The following PAPPA2 variants were observed in gnomAD, a reference collection of about 807,000 sequenced individuals.
PAPPA2 encodes pappalysin 2.
PAPPA2 carries 86 observed loss-of-function variants against 176.4 expected under a neutral mutation model. That is an observed-to-expected ratio of 0.49 (90% confidence interval 0.41 to 0.58). PAPPA2 has a LOEUF of 0.58. PAPPA2 is among the 20% of genes least tolerant of loss of function. The probability of loss-of-function intolerance (pLI) is 0.00; values close to 1 mark genes in which losing one functional copy is unlikely to be tolerated. For missense variants in PAPPA2, 2,073 were observed against 2,256.9 expected (o/e 0.92, Z 1.65); for synonymous variants, 809 against 852.2 (o/e 0.95, Z 0.88).
intron 16 of PAPPA2, among the ~76,000 whole-genome samples, chr1:176,770,057 C>T (rs1014825641): frequency 6.6e-6 from 1 of 152,208 alleles, no homozygotes; most frequent in Non-Finnish European, 1.5e-5. Flanking sequence ...GGCAAGCCTA[C>T]TGGAATGGTT....
At chr1:176,504,051 A>G (rs1431238728) in intron 1 of PAPPA2, among the ~76,000 whole-genome samples, 1 of 152,102 alleles carries the variant, frequency 6.6e-6, no homozygotes, top group Admixed American at 6.6e-5. Context: ...ACTATGAAGA[A>G]CTTCCTTAAG....
rs995651778 is a variant in PAPPA2 at position 176,794,028 on chromosome 1, C to T, written c.5130+359C>T. On this transcript the variant is annotated intron_variant, in intron 20 of 22. Transcript: ENST00000367662. ...AGAATGGCGTGAACTCCAGCCTGGG[C>T]AACAGAGCGAGACTCCATCTCAAAA... Among the ~76,000 whole-genome samples, 4 of 151,996 alleles carry T rather than the reference C, an allele frequency of 2.6e-5. No homozygotes were observed. The East Asian group carries it at 5.8e-4, about 22-fold the overall frequency.
At chr1:176,716,833 G>A (rs1661399985) in intron 12 of PAPPA2, among the ~76,000 whole-genome samples, 2 of 151,170 alleles carry the variant, frequency 1.3e-5, no homozygotes, top group African/African-American at 2.4e-5. Context: ...GGATGGTCTC[G>A]ATCTCCTGAC....
intron 1 of PAPPA2, among the ~76,000 whole-genome samples, chr1:176,525,224 C>T (rs1460345584): frequency 1.3e-5 from 2 of 152,140 alleles, no homozygotes; most frequent in African/African-American, 4.8e-5. Context: ...GATGGATTGG[C>T]TGAATGAATA....
At chr1:176,517,289 G>C (rs1648969498) in intron 1 of PAPPA2, among the ~76,000 whole-genome samples, 1 of 152,166 alleles carries the variant, frequency 6.6e-6, no homozygotes, top group Non-Finnish European at 1.5e-5. Context: ...AAGGAGGAAA[G>C]CATGAATATT....
chr1:176,770,902 C>G, intron 16 of PAPPA2, 65 bp from the exon 17 acceptor site: 1 of 1,477,842 alleles, frequency 6.8e-7, no homozygotes, highest in Non-Finnish European at 9.4e-7. Context: ...TTTATTTCAT[C>G]TGCTATGATT....
At chr1:176,801,349 C>G (rs1665677333) in intron 21 of PAPPA2, among the ~76,000 whole-genome samples, 1 of 152,098 alleles carries the variant, frequency 6.6e-6, no homozygotes, top group Non-Finnish European at 1.5e-5. Flanking sequence ...CATGTCAAGT[C>G]CATTCTTCTG....
At chr1:176,691,222 G>A (rs535622462) in intron 5 of PAPPA2, 6 of 956,040 alleles carry the variant, frequency 6.3e-6, no homozygotes, top group Non-Finnish European at 7.5e-6. Flanking sequence ...GGTGAAAGAA[G>A]ATATTTTTTC....
Position 176,765,546 on chromosome 1 carries a change from A to G in PAPPA2, c.4152-120A>G, listed in dbSNP as rs1421019030. 6.6e-6 allele frequency: 6 copies of G among 905,880 alleles called. No individual in the cohort carries two copies. In the African/African-American group the frequency reaches 6.6e-5, roughly 10 times the overall value. 56.1% of individuals were successfully genotyped at this position (905,880 alleles called of 1,614,324 possible). A position where few individuals can be genotyped will look rare whatever the true frequency, so the allele number is the denominator to read the frequency against. On this transcript the variant is annotated intron_variant, in intron 14 of 22. Coordinates refer to ENST00000367662, the MANE Select transcript of PAPPA2 (RefSeq NM_020318.3). ...GAAAAAAGGTGATGAGTTAAATATC[A>G]GTTTTGGAGAAAATTGTTCTCTCTG...
intron 3 of PAPPA2, among the ~76,000 whole-genome samples, chr1:176,618,452 GAAATAAGAAAAGATGCTAGTCTTGTT>G (rs1368105364): frequency 6.6e-6 from 1 of 152,186 alleles, no homozygotes. Flanking sequence ...AATGAACTGA[GAAATAAGAAAAGATGCTAGTCTTGTT>G]TGCTCCATAT....
chr1:176,798,069 C>G (rs949955046), intron 20 of PAPPA2, among the ~76,000 whole-genome samples: 1 of 152,116 alleles, frequency 6.6e-6, no homozygotes, highest in Non-Finnish European at 1.5e-5. Flanking sequence ...GTACCACCAA[C>G]TTTTGCAATT....
At chr1:176,813,555 C>T (rs1190569771) in intron 21 of PAPPA2, among the ~76,000 whole-genome samples, 2 of 152,036 alleles carry the variant, frequency 1.3e-5, no homozygotes, top group East Asian at 3.9e-4. Flanking sequence ...GTTGATCTTT[C>T]TTTCATATGT....
rs767096380 is a variant in PAPPA2, at chr1:176,556,634, G to A, written c.312G>A (p.Val104=). The A allele has an allele frequency of 7.4e-6, 12 of 1,614,064 alleles. No individual in the cohort carries two copies. The East Asian group carries it at 2.0e-4, about 27-fold the overall frequency. ...RSKPDTEGNA[V]SLVPPDLTEN... ...AACCAGACACTGAAGGAAATGCTGT[G>A]AGCCTTGTTCCCCCAGACCTGACTG... is the stretch of plus-strand genomic sequence containing the variant. Residue 104 remains valine, a synonymous_variant, in exon 2 of 23, where the codon GTG becomes GTA. Transcript: ENST00000367662.
At chr1:176,708,467 A>C (rs1441696194) in intron 10 of PAPPA2, among the ~76,000 whole-genome samples, 7 of 152,060 alleles carry the variant, frequency 4.6e-5, no homozygotes, top group Non-Finnish European at 1.0e-4. Flanking sequence ...AATAGAGACA[A>C]GAAGTAAGAA....
intron 12 of PAPPA2, among the ~76,000 whole-genome samples, chr1:176,728,400 C>T (rs1204276965): frequency 6.6e-6 from 1 of 151,662 alleles, no homozygotes; most frequent in African/African-American, 2.4e-5. Context: ...TTTAAACAAT[C>T]ACCAACAAAA....
chr1:176,766,193 T>G (rs1322782502), intron 15 of PAPPA2, among the ~76,000 whole-genome samples: 1 of 152,214 alleles, frequency 6.6e-6, no homozygotes, highest in Non-Finnish European at 1.5e-5. Flanking sequence ...TCAGCATGTC[T>G]GTGGTTCACA....
chr1:176,505,727 A>G (rs1429582838), intron 1 of PAPPA2, among the ~76,000 whole-genome samples: 1 of 152,062 alleles, frequency 6.6e-6, no homozygotes. Flanking sequence ...CTGTCTCAAA[A>G]AAAACCAAAA....
At chr1:176,676,357 G>T (rs566162938) in intron 4 of PAPPA2, among the ~76,000 whole-genome samples, 1 of 151,698 alleles carries the variant, frequency 6.6e-6, no homozygotes, top group Non-Finnish European at 1.5e-5. Flanking sequence ...CTTCAGTGCC[G>T]ATTGCTTAAA....
chr1:176,811,035 T>C (rs1157763356), intron 21 of PAPPA2, among the ~76,000 whole-genome samples: 1 of 152,186 alleles, frequency 6.6e-6, no homozygotes, highest in South Asian at 2.1e-4. Context: ...TAGTAATATA[T>C]TTTTTATCAC....
Sources: gnomAD v4.1 joint callset for allele counts (sites outside exome capture counted in the v4.1 genomes callset) on GRCh38, gnomAD v4.1.1 for gene constraint, MANE v1.5 for transcripts, NCBI Gene and HGNC (gene_info 2026-07-23, HGNC 2026-07-21) for gene names.